The following ULBP3 variants were observed in gnomAD, a reference collection of about 807,000 sequenced individuals.
ULBP3 encodes the protein UL16-binding protein 3.
In ULBP3, 25 loss-of-function variants were observed where a neutral mutation model predicts 24.9. The ratio of observed to expected loss-of-function variants is 1.00; its 90% CI spans 0.73 to 1.40. ULBP3 has a LOEUF of 1.40. Ranked by LOEUF, ULBP3 falls within the 40% of genes most tolerant of loss-of-function variation. The pLI is 0.00. For synonymous variants in ULBP3, 114 were observed against 114.7 expected (o/e 0.99, Z 0.04); for missense variants, 306 against 307.5 (o/e 1.00, Z 0.04).
Position 150,065,669 on chromosome 6 carries a change from G to A in ULBP3, c.357C>T (p.Pro119=). The A allele has an allele frequency of 6.2e-7, 1 of 1,614,116 alleles. No homozygotes were observed. The highest frequency in any genetic ancestry group is 8.5e-7 in the Non-Finnish European group (1 of 1,179,994). Residue 119 remains proline, a synonymous_variant, in exon 3 of 5, where the codon CCC becomes CCT. Transcript: ENST00000367339. Reference sequence around the variant, plus strand: ...AAGACATCCTGACCTGCAGCGTGAGGGGTCCTGCCCCAATCAGAAAGAGAT... The same window carrying A: ...AAGACATCCTGACCTGCAGCGTGAGAGGTCCTGCCCCAATCAGAAAGAGAT... ...TELEDFTPSG[P]LTLQVRMSCE...
In ULBP3 at chr6:150,062,448, T is replaced by TAGAGGCTG. The variant is rs1271361245; in HGVS notation, c.*918_*925dup. Among the ~76,000 whole-genome samples the TAGAGGCTG allele has an allele frequency of 6.6e-6, 1 of 151,924 alleles. No individual in the cohort carries two copies. The highest frequency in any genetic ancestry group is 2.4e-5 in the African/African-American group (1 of 41,348). The stretch of plus-strand genomic sequence containing the variant: ...CATGCGCCTGTAGTCCCAGCTACTC[T>TAGAGGCTG]AGAGGCTGAGTCTAGAGGATCACTT... On this transcript the variant is annotated 3_prime_UTR_variant, in exon 5 of 5. Transcript: ENST00000367339.
At position 150,061,345 on chromosome 6, in the gene ULBP3, G is replaced by C. The variant is rs13657; in HGVS notation, c.*2029C>G. 0.22 allele frequency among the ~76,000 whole-genome samples: 33,129 copies of C among 152,058 alleles called. 4,113 individuals are homozygous for C. The highest frequency in any genetic ancestry group is 0.28 in the Non-Finnish European group (18,724 of 67,966). On this transcript the variant is annotated 3_prime_UTR_variant, in exon 5 of 5. Transcript: ENST00000367339. ...GTAGATTTTGGAAGGCTGAGGCTTG[G>C]TGTCCCAATGATCTCATCACTCAAA...
intron 1 of ULBP3, among the ~76,000 whole-genome samples, chr6:150,068,241 A>G (rs1776376294): frequency 6.6e-6 from 1 of 152,152 alleles, no homozygotes; most frequent in Non-Finnish European, 1.5e-5. Context: ...GGGGAGCAGT[A>G]GGCCCCGAAC....
At chr6:150,067,543 A>C (rs1776365152) in intron 1 of ULBP3, among the ~76,000 whole-genome samples, 2 of 152,220 alleles carry the variant, frequency 1.3e-5, no homozygotes, top group Admixed American at 1.3e-4. Context: ...CTGGGTTCAT[A>C]GACCCATTCA....
At chr6:150,065,270 C>G (rs1002315060) in intron 3 of ULBP3, 128 bp downstream of exon 3, 4 of 1,330,720 alleles carry the variant, frequency 3.0e-6, no homozygotes, top group Non-Finnish European at 4.2e-6. Flanking sequence ...CACACTCACA[C>G]TCACACATAC....
In ULBP3 at chr6:150,065,540, A is replaced by G; in HGVS notation, c.486T>C (p.Val162=). The change falls in exon 3 of 5, where the codon GTT becomes GTC. Residue 162 remains valine (V), a synonymous_variant. Coordinates refer to ENST00000367339, the MANE Select transcript of ULBP3 (RefSeq NM_024518.3). ...CTTTCATCCGCCTGGCTCCAGCGTG[A>G]ACCACTGTCCACTTTCTGTTGTTTG... ...FDSNNRKWTV[V]HAGARRMKEK... The G allele has an allele frequency of 2.5e-6, 4 of 1,614,164 alleles. No individual in the cohort carries two copies. Among genetic ancestry groups the G allele is most frequent in the Non-Finnish European group, 3.4e-6 (4 of 1,180,016 alleles).
rs1776277091 is a variant in ULBP3 at position 150,061,809 on chromosome 6, A to G, written c.*1565T>C. On this transcript the variant is annotated 3_prime_UTR_variant, in exon 5 of 5. Transcript: ENST00000367339. ...CAGGCTTGAATGGTAGTTCTATTTT[A>G]AGTTCTTGGAGAAATCTCCAAACTG... 1.3e-5 allele frequency among the ~76,000 whole-genome samples: 2 copies of G among 152,180 alleles called. No individual in the cohort carries two copies. The highest frequency in any genetic ancestry group is 6.5e-5 in the Admixed American group (1 of 15,280).
In ULBP3 at chr6:150,064,724, AAC is replaced by A. The variant is rs1473232327; in HGVS notation, c.629-13_629-12del. ...CCATGGTGGGTGGTGCTGAAAGGGA[AAC>A]ACAAAAGTGACAACTCTTGTCCACG... is the stretch of plus-strand genomic sequence containing the variant. On this transcript the variant is annotated splice_polypyrimidine_tract_variant and intron_variant, in intron 3 of 4. Coordinates refer to ENST00000367339, the MANE Select transcript of ULBP3 (RefSeq NM_024518.3). The A allele has an allele frequency of 6.2e-7, 1 of 1,613,546 alleles. No individual in the cohort carries two copies. The highest frequency in any genetic ancestry group is 1.7e-5 in the Admixed American group (1 of 59,986).
intron 4 of ULBP3, 25 bp downstream of exon 4, chr6:150,064,560 C>T (rs1195586605): frequency 1.3e-6 from 2 of 1,596,598 alleles, no homozygotes; most frequent in Non-Finnish European, 1.7e-6. Flanking sequence ...GTCTCTCGTT[C>T]CCCTCACAGT....
At chr6:150,065,819 T>C (rs1420720653) in intron 2 of ULBP3, 80 bp downstream of exon 2, 1 of 1,584,940 alleles carries the variant, frequency 6.3e-7, no homozygotes, top group Admixed American at 1.7e-5. Flanking sequence ...AGGTCCCATG[T>C]CTAATTTCTT....
In ULBP3 at chr6:150,065,522, C is replaced by A; in HGVS notation, c.504G>T (p.Arg168=). ...TATCCTTCTCCCACTTCTCTTTCAT[C>A]CGCCTGGCTCCAGCGTGAACCACTG... ...KWTVVHAGAR[R]MKEKWEKDSG... is the part of the protein sequence containing the mutation. Residue 168 remains arginine (R), a synonymous_variant, in exon 3 of 5, where the codon CGG becomes CGT. Transcript: ENST00000367339. The A allele has an allele frequency of 6.2e-7, 1 of 1,614,190 alleles. No homozygotes were observed. The highest frequency in any genetic ancestry group is 8.5e-7 in the Non-Finnish European group (1 of 1,180,036).
rs1365211908 is a variant in ULBP3 at position 150,068,995 on chromosome 6, G to C, written c.72C>G (p.Ser24=). 2 of 1,610,860 alleles carry C rather than the reference G, an allele frequency of 1.2e-6. No homozygotes were observed. The highest frequency in any genetic ancestry group is 2.7e-5 in the African/African-American group (2 of 74,846). Residue 24 remains serine, a synonymous_variant, in exon 1 of 5, where the codon TCC becomes TCG. Coordinates refer to ENST00000367339, the MANE Select transcript of ULBP3 (RefSeq NM_024518.3). The part of the protein sequence containing the change: ...AILPYLLFDW[S]GTGRADAHSL... ...CGAACTCACCGGCCCGCCCCGTCCCGGACCAGTCGAATAGCAGGTACGGAA... is the reference window on the plus strand; with the variant it reads ...CGAACTCACCGGCCCGCCCCGTCCCCGACCAGTCGAATAGCAGGTACGGAA...
intron 4 of ULBP3, 149 bp downstream of exon 4, chr6:150,064,436 C>A: frequency 1.4e-6 from 1 of 698,404 alleles, no homozygotes; most frequent in Non-Finnish European, 2.5e-6. Flanking sequence ...TCATTGCAAA[C>A]AGGCGACACC....
chr6:150,065,002 C>T (rs776918127), intron 3 of ULBP3, among the ~76,000 whole-genome samples: 6 of 152,042 alleles, frequency 3.9e-5, no homozygotes, highest in Non-Finnish European at 8.8e-5. Flanking sequence ...AGTCTCGGGG[C>T]TGCCATTCGA....
intron 3 of ULBP3, among the ~76,000 whole-genome samples, chr6:150,065,089 G>T (rs1319666910): frequency 6.6e-6 from 1 of 152,158 alleles, no homozygotes; most frequent in African/African-American, 2.4e-5. Context: ...GGAAATCTAA[G>T]GAGAAAGGTC....
chr6:150,065,185 G>C (rs1776327114), intron 3 of ULBP3, among the ~76,000 whole-genome samples: 1 of 152,096 alleles, frequency 6.6e-6, no homozygotes, highest in Non-Finnish European at 1.5e-5. Context: ...AGGAAGAGGA[G>C]TCAGGAGGGA....
At chr6:150,066,466 G>C (rs78848355) in intron 1 of ULBP3, among the ~76,000 whole-genome samples, 3 of 152,190 alleles carry the variant, frequency 2.0e-5, no homozygotes, top group Non-Finnish European at 2.9e-5. Flanking sequence ...CAAGAGGCGG[G>C]AGAGTGTGGG....
Position 150,062,884 on chromosome 6 carries a change from T to G in ULBP3, c.*490A>C, listed in dbSNP as rs1299123404. On this transcript the variant is annotated 3_prime_UTR_variant, in exon 5 of 5. Transcript: ENST00000367339. ...CTGGGAGGCCGAGGCAGGTGGATCA[T>G]GAGGTCAGGAGATCGAGACCATCCT... Among the ~76,000 whole-genome samples, 3 of 151,382 alleles carry G rather than the reference T, an allele frequency of 2.0e-5. No homozygotes were observed. The East Asian group carries it at 5.9e-4, about 30-fold the overall frequency.
intron 1 of ULBP3, among the ~76,000 whole-genome samples, chr6:150,066,606 G>C (rs1477118391): frequency 6.6e-6 from 1 of 152,160 alleles, no homozygotes; most frequent in Non-Finnish European, 1.5e-5. Context: ...CTGCTAGTAG[G>C]TTGCCCTTGG....
Sources: gnomAD v4.1 joint callset for allele counts (sites outside exome capture counted in the v4.1 genomes callset) on GRCh38, gnomAD v4.1.1 for gene constraint, MANE v1.5 for transcripts, NCBI Gene and HGNC (gene_info 2026-07-23, HGNC 2026-07-21) for gene names.